The following NUP210L variants were observed in gnomAD, a reference collection of about 807,000 sequenced individuals.
NUP210L encodes the protein nucleoporin 210 like.
A neutral mutation model predicts 208.5 loss-of-function variants in NUP210L; 74 were observed. That is an observed-to-expected ratio of 0.35 (90% confidence interval 0.29 to 0.43). NUP210L has a LOEUF of 0.43. Ranked by LOEUF, NUP210L falls within the 20% of genes least tolerant of loss-of-function variation. The probability of loss-of-function intolerance (pLI) is 1.00; values close to 1 mark genes in which losing one functional copy is unlikely to be tolerated. For synonymous variants in NUP210L, 780 were observed against 816.9 expected, an observed-to-expected ratio of 0.95 and a Z score of 0.77; for missense variants, 1,843 against 2,289.4, an observed-to-expected ratio of 0.81 and a Z score of 3.98.
chr1:154,154,612 C>T (rs925009583), intron 1 of NUP210L, among the ~76,000 whole-genome samples: 4 of 152,168 alleles, frequency 2.6e-5, no homozygotes, highest in African/African-American at 9.7e-5. Context: ...ATTCCTCACA[C>T]GTCTGGAAGA....
At chr1:154,152,824 A>G (rs2148166286) in exon 2 of NUP210L, 3 of 1,613,848 alleles carry the variant, frequency 1.9e-6, no homozygotes, top group East Asian at 2.2e-5. Flanking sequence ...ACAAGGTGCC[A>G]TTTTCATATA....
At chr1:154,038,928 A>T (rs1459398147) in intron 27 of NUP210L, among the ~76,000 whole-genome samples, 1 of 152,178 alleles carries the variant, frequency 6.6e-6, no homozygotes, top group East Asian at 1.9e-4. Context: ...CCTGTTTTTT[A>T]ACTTTTTGTC....
At chr1:154,120,595 G>T (rs981273403) in intron 10 of NUP210L, among the ~76,000 whole-genome samples, 1 of 148,662 alleles carries the variant, frequency 6.7e-6, no homozygotes, top group Admixed American at 6.8e-5. Flanking sequence ...CCTGCACATT[G>T]TGCACATGTA....
chr1:154,127,178 C>A, intron 9 of NUP210L, 133 bp downstream of exon 9: 8 of 421,970 alleles, frequency 1.9e-5, no homozygotes, highest in South Asian at 6.0e-5. Flanking sequence ...AAATTAGCAA[C>A]TTGCTTTTCC....
chr1:154,002,088 A>G, intron 35 of NUP210L, 103 bp from the exon 36 acceptor site: 1 of 1,206,110 alleles, frequency 8.3e-7, no homozygotes, highest in Non-Finnish European at 1.2e-6. Context: ...AATTCAGCAA[A>G]AGAGAAAATG....
intron 10 of NUP210L, among the ~76,000 whole-genome samples, chr1:154,120,858 T>C (rs1481585151): frequency 7.0e-6 from 1 of 141,994 alleles, no homozygotes; most frequent in Non-Finnish European, 1.5e-5. Flanking sequence ...ATCACACCAT[T>C]GCACAACAGC....
intron 15 of NUP210L, among the ~76,000 whole-genome samples, chr1:154,094,331 G>A (rs562754480): frequency 1.2e-4 from 18 of 151,972 alleles, no homozygotes; most frequent in African/African-American, 4.1e-4. Context: ...GGTGGTGTGT[G>A]CCTGTAATCC....
chr1:154,113,809 G>A (rs1431597164), intron 12 of NUP210L, among the ~76,000 whole-genome samples: 1 of 132,816 alleles, frequency 7.5e-6, no homozygotes, highest in Non-Finnish European at 1.5e-5. Context: ...AGTGAGCTGA[G>A]ATCTGGCCAC....
Position 154,091,748 on chromosome 1 carries a change from G to A in NUP210L, c.2188-2154C>T, listed in dbSNP as rs141420282. On this transcript the variant is annotated intron_variant, in intron 15 of 39. Coordinates refer to ENST00000368559, the Ensembl canonical transcript of NUP210L. Reference sequence around the variant, plus strand: ...ACTCCTGAACTCAAATGATCTGCCCGCTTCGGTCTCCCAAAGTGCTGGAAT... The same window carrying A: ...ACTCCTGAACTCAAATGATCTGCCCACTTCGGTCTCCCAAAGTGCTGGAAT... Among the ~76,000 whole-genome samples the A allele has an allele frequency of 8.6e-4, 131 of 151,520 alleles. 1 individual carries two copies. Among genetic ancestry groups the A allele is most frequent in the East Asian group, 3.1e-3 (16 of 5,152 alleles).
At chr1:154,048,115 T>C (rs868307912) in intron 25 of NUP210L, among the ~76,000 whole-genome samples, 2 of 152,174 alleles carry the variant, frequency 1.3e-5, no homozygotes, top group East Asian at 3.8e-4. Flanking sequence ...CAGGTTTGTT[T>C]GCCAGCTAAA....
intron 27 of NUP210L, among the ~76,000 whole-genome samples, chr1:154,044,739 T>G (rs533094041): frequency 1.3e-5 from 2 of 152,320 alleles, no homozygotes; most frequent in African/African-American, 2.4e-5. Context: ...TGTGACCTAC[T>G]GGGTATCATG....
At chr1:154,034,721 T>C (rs1375328982) in intron 27 of NUP210L, among the ~76,000 whole-genome samples, 1 of 152,210 alleles carries the variant, frequency 6.6e-6, no homozygotes, top group African/African-American at 2.4e-5. Flanking sequence ...TAAATCTTGG[T>C]AGATTGTATG....
At chr1:154,053,009 A>G (rs112218951) in intron 25 of NUP210L, among the ~76,000 whole-genome samples, 116 of 152,336 alleles carry the variant, frequency 7.6e-4, no homozygotes, top group African/African-American at 2.2e-3. Flanking sequence ...CTCAAATGAT[A>G]TGGCCCGCTC....
intron 13 of NUP210L, among the ~76,000 whole-genome samples, chr1:154,100,515 G>GTTT (rs59904207): frequency 1.9e-5 from 1 of 53,328 alleles, no homozygotes; most frequent in African/African-American, 6.9e-5. Context: ...TTTTGGCTTT[G>GTTT]TTTTTTTTTT....
chr1:154,089,465 C>A (rs899885523), exon 16 of NUP210L: 35 of 1,614,150 alleles, frequency 2.2e-5, no homozygotes, highest in Non-Finnish European at 3.0e-5. Flanking sequence ...TGGGCACCAG[C>A]TGGCACCTTG....
At chr1:154,110,219 G>A (rs1656974127) in intron 12 of NUP210L, among the ~76,000 whole-genome samples, 2 of 145,104 alleles carry the variant, frequency 1.4e-5, no homozygotes, top group Admixed American at 1.4e-4. Flanking sequence ...TGGGAAACAA[G>A]AGCAAAACTC....
chr1:154,119,199 G>A (rs1404057609), intron 10 of NUP210L, among the ~76,000 whole-genome samples: 7 of 152,088 alleles, frequency 4.6e-5, no homozygotes, highest in African/African-American at 9.7e-5. Context: ...AGAAGAAAAT[G>A]AGAACATTTA....
chr1:154,126,385 C>G, exon 10 of NUP210L: 2 of 1,613,360 alleles, frequency 1.2e-6, no homozygotes, highest in Non-Finnish European at 1.7e-6. Flanking sequence ...AGGGCTTTTA[C>G]TATATGGTAA....
At chr1:154,116,765 G>GT (rs2072660357) in intron 12 of NUP210L, among the ~76,000 whole-genome samples, 1 of 151,878 alleles carries the variant, frequency 6.6e-6, no homozygotes, top group African/African-American at 2.4e-5. Context: ...TAGGAAAATG[G>GT]TTACATAATA....
Sources: allele counts gnomAD v4.1 joint callset (sites outside exome capture counted in the v4.1 genomes callset), GRCh38; gene constraint gnomAD v4.1.1; transcripts MANE v1.5; gene names NCBI Gene and HGNC (gene_info 2026-07-23, HGNC 2026-07-21).